The following THSD7A variants were observed in gnomAD, a reference collection of about 807,000 sequenced individuals.
THSD7A encodes the protein thrombospondin type-1 domain-containing protein 7A.
Under a neutral mutation model 231.3 loss-of-function variants are expected in THSD7A, and 96 were observed. The observed-to-expected ratio is 0.41, with a 90% CI of 0.35 to 0.49. The LOEUF (loss-of-function observed/expected upper bound fraction) is 0.49. THSD7A is among the 20% of genes least tolerant of loss of function. THSD7A has a pLI of 0.05. For synonymous variants in THSD7A, 940 were observed against 743.3 expected (o/e 1.26, Z -4.30); for missense variants, 2,290 against 2,070.2 (o/e 1.11, Z -2.06).
chr7:11,523,294 A>C (rs1788341649), intron 6 of THSD7A, among the ~76,000 whole-genome samples: 1 of 152,062 alleles, frequency 6.6e-6, no homozygotes, highest in Non-Finnish European at 1.5e-5. Context: ...TTTTTGAGAA[A>C]TGATTACTAA....
intron 1 of THSD7A, among the ~76,000 whole-genome samples, chr7:11,778,880 T>TC (rs1434450153): frequency 6.6e-6 from 1 of 152,180 alleles, no homozygotes; most frequent in African/African-American, 2.4e-5. Context: ...TTCAACACTG[T>TC]GCAGACTCTA....
intron 1 of THSD7A, among the ~76,000 whole-genome samples, chr7:11,697,594 T>C (rs1439494271): frequency 6.6e-6 from 1 of 151,276 alleles, no homozygotes; most frequent in Non-Finnish European, 1.5e-5. Flanking sequence ...TCTAGAATTC[T>C]TGTTCTTGAG....
chr7:11,499,210 T>C (rs1787232753), intron 6 of THSD7A, among the ~76,000 whole-genome samples: 1 of 152,208 alleles, frequency 6.6e-6, no homozygotes, highest in African/African-American at 2.4e-5. Context: ...TCATGGCTTG[T>C]CACCAGACAG....
chr7:11,773,095 C>T (rs1381967513), intron 1 of THSD7A, among the ~76,000 whole-genome samples: 1 of 152,030 alleles, frequency 6.6e-6, no homozygotes, highest in African/African-American at 2.4e-5. Flanking sequence ...ATAATAAAGG[C>T]CCCATCATAT....
intron 2 of THSD7A, among the ~76,000 whole-genome samples, chr7:11,626,136 A>G (rs1584104721): frequency 1.3e-5 from 2 of 152,134 alleles, no homozygotes; most frequent in Non-Finnish European, 2.9e-5. Flanking sequence ...TCAAAGGTTT[A>G]AAATACTACC....
chr7:11,661,603 T>G (rs76138417), intron 1 of THSD7A, among the ~76,000 whole-genome samples: 6,996 of 150,896 alleles, frequency 0.046, 192 homozygotes, highest in East Asian at 0.14. Flanking sequence ...ATTGGAGGAA[T>G]AGGAGAAAAT....
intron 1 of THSD7A, among the ~76,000 whole-genome samples, chr7:11,781,750 C>A (rs1417845361): frequency 6.6e-6 from 1 of 152,152 alleles, no homozygotes; most frequent in Non-Finnish European, 1.5e-5. Flanking sequence ...TGATAACGAC[C>A]TAATTTCTCC....
intron 1 of THSD7A, among the ~76,000 whole-genome samples, chr7:11,779,037 G>T (rs900954191): frequency 2.0e-5 from 3 of 152,006 alleles, no homozygotes; most frequent in African/African-American, 7.2e-5. Flanking sequence ...GTTCTGTGGT[G>T]ATTTCCTAGG....
At chr7:11,487,008 G>C (rs752901986) in intron 6 of THSD7A, among the ~76,000 whole-genome samples, 3 of 152,126 alleles carry the variant, frequency 2.0e-5, no homozygotes, top group Non-Finnish European at 4.4e-5. Context: ...CTCAAAATGA[G>C]ATTTAAATGT....
chr7:11,498,424 C>G (rs529923831), intron 6 of THSD7A, among the ~76,000 whole-genome samples: 1 of 152,150 alleles, frequency 6.6e-6, no homozygotes, highest in East Asian at 2.0e-4. Flanking sequence ...TGGAACCTCC[C>G]AACTGGGACC....
intron 1 of THSD7A, among the ~76,000 whole-genome samples, chr7:11,680,020 A>G (rs935215039): frequency 1.2e-4 from 19 of 152,118 alleles, no homozygotes; most frequent in African/African-American, 4.3e-4. Flanking sequence ...GGAACGTAAC[A>G]GAGGCCTCAG....
At chr7:11,503,924 A>G (rs759494738) in intron 6 of THSD7A, among the ~76,000 whole-genome samples, 2 of 152,224 alleles carry the variant, frequency 1.3e-5, no homozygotes, top group Non-Finnish European at 2.9e-5. Context: ...AGCTAAAAGC[A>G]GAAGTACCAT....
chr7:11,486,779 A>G (rs1252626809), intron 6 of THSD7A, among the ~76,000 whole-genome samples: 1 of 152,202 alleles, frequency 6.6e-6, no homozygotes, highest in Non-Finnish European at 1.5e-5. Flanking sequence ...CATTTATATA[A>G]CTTTGTTTTT....
At chr7:11,409,749 CT>C (rs979954715) in intron 19 of THSD7A, among the ~76,000 whole-genome samples, 10 of 148,670 alleles carry the variant, frequency 6.7e-5, no homozygotes, top group Admixed American at 1.3e-4. Context: ...TACTGATGTT[CT>C]TTTTTTTTTG....
At chr7:11,713,882 A>T (rs1169793018) in intron 1 of THSD7A, among the ~76,000 whole-genome samples, 1 of 151,394 alleles carries the variant, frequency 6.6e-6, no homozygotes, top group Admixed American at 6.6e-5. Flanking sequence ...TCAATTGGTG[A>T]TAATAAGCAA....
chr7:11,623,078 T>C (rs1196561209), intron 2 of THSD7A, among the ~76,000 whole-genome samples: 3 of 152,314 alleles, frequency 2.0e-5, no homozygotes, highest in Non-Finnish European at 4.4e-5. Context: ...GCCTAAAATA[T>C]TGCTACATTC....
chr7:11,609,039 G>A (rs997500532), intron 2 of THSD7A, among the ~76,000 whole-genome samples: 1 of 152,110 alleles, frequency 6.6e-6, no homozygotes, highest in Non-Finnish European at 1.5e-5. Flanking sequence ...ACAGGTTTAT[G>A]AGGATAAACT....
rs539513619 is a variant in THSD7A, at chr7:11,567,274, G to A, written c.1453+23186C>T. ...AGGAAGCAAGACACTTCCCCCTCAA[G>A]GCAGCAGAAAAGACAAGTGCAGAGT... On this transcript the variant is annotated intron_variant, in intron 4 of 27. Coordinates refer to ENST00000423059, the MANE Select transcript of THSD7A (RefSeq NM_015204.3). Among the ~76,000 whole-genome samples, 251 of 152,198 alleles carry A rather than the reference G, an allele frequency of 1.6e-3. 1 individual carries two copies. Among genetic ancestry groups the A allele is most frequent in the Non-Finnish European group, 3.3e-3 (226 of 68,012 alleles).
At chr7:11,724,076 T>A (rs1182491755) in intron 1 of THSD7A, among the ~76,000 whole-genome samples, 1 of 151,934 alleles carries the variant, frequency 6.6e-6, no homozygotes, top group Non-Finnish European at 1.5e-5. Flanking sequence ...TGATTAGTTG[T>A]GTGATTGGGG....
Sources: allele counts gnomAD v4.1 joint callset (sites outside exome capture counted in the v4.1 genomes callset), GRCh38; gene constraint gnomAD v4.1.1; transcripts MANE v1.5; gene names NCBI Gene and HGNC (gene_info 2026-07-23, HGNC 2026-07-21).